Variants in EML6 observed in about 807,000 individuals in gnomAD.
EML6 encodes the protein EMAP like 6, also known as echinoderm microtubule-associated protein-like 6.
Under a neutral mutation model 240.1 loss-of-function variants are expected in EML6, and 154 were observed. That is an observed-to-expected ratio of 0.64 (90% CI 0.56 to 0.73). The LOEUF is 0.73. EML6 is among the 30% of genes least tolerant of loss of function. The pLI is 0.00. For missense variants in EML6, 2,964 were observed against 2,474.6 expected (o/e 1.20, Z -4.20); for synonymous variants, 1,148 against 899.0 (o/e 1.28, Z -4.95).
At chr2:54,811,625 T>C (rs1186970570) in intron 2 of EML6, among the ~76,000 whole-genome samples, 1 of 152,260 alleles carries the variant, frequency 6.6e-6, no homozygotes, top group Admixed American at 6.5e-5. Context: ...TGACATATCA[T>C]AGGTCCACAA....
chr2:54,804,591 A>C (rs994032679), intron 2 of EML6, among the ~76,000 whole-genome samples: 1 of 152,208 alleles, frequency 6.6e-6, no homozygotes, highest in African/African-American at 2.4e-5. Context: ...TTCTAAACCA[A>C]CAGATGCCTT....
At chr2:54,805,165 C>G (rs1175187430) in intron 2 of EML6, among the ~76,000 whole-genome samples, 4 of 152,164 alleles carry the variant, frequency 2.6e-5, no homozygotes, top group Admixed American at 2.6e-4. Context: ...CTGTTTATGG[C>G]TGAGAACAAT....
Position 54,728,048 on chromosome 2 carries a change from G to A in EML6, c.197+2790G>A, listed in dbSNP as rs1423068501. Among the ~76,000 whole-genome samples, 4 of 152,172 alleles carry A rather than the reference G, an allele frequency of 2.6e-5. No homozygotes were observed. The South Asian group carries it at 6.2e-4, about 24-fold the overall frequency. On this transcript the variant is annotated intron_variant, in intron 2 of 41. Coordinates refer to ENST00000356458, the MANE Select transcript of EML6 (RefSeq NM_001039753.4). ...CATAATATAATTTACTGAATGTGGAGGCTTAGTTTTATTCTCTTGAATATT... is the reference window on the plus strand; with the variant it reads ...CATAATATAATTTACTGAATGTGGAAGCTTAGTTTTATTCTCTTGAATATT...
intron 17 of EML6, among the ~76,000 whole-genome samples, chr2:54,885,209 T>C (rs193264264): frequency 6.6e-6 from 1 of 151,754 alleles, no homozygotes; most frequent in South Asian, 2.1e-4. Context: ...CTTTGGGAGG[T>C]TGAGGCGGGC....
chr2:54,962,696 G>C lies in EML6; in HGVS notation c.5142G>C (p.Trp1714Cys). ...GCAACGATGGCACAGCCCGGATCTG[G>C]GACCTGGCTGACAAGGTGAGGCCGA... ...SASNDGTARIWDLADKKLLNK... is the reference protein window; with the variant it reads ...SASNDGTARICDLADKKLLNK... The change falls in exon 36 of 42, where the codon TGG becomes TGC. Residue 1714 changes from tryptophan (W) to cysteine (C), a missense_variant. Coordinates refer to ENST00000356458, the MANE Select transcript of EML6 (RefSeq NM_001039753.4). 1 of 1,490,932 alleles carries C rather than the reference G, an allele frequency of 6.7e-7. No individual in the cohort carries two copies. The highest frequency in any genetic ancestry group is 9.0e-7 in the Non-Finnish European group (1 of 1,116,898). The allele number at this position is 1,490,932 out of a possible 1,614,324, so 92.4% of individuals were successfully genotyped here. A position where few individuals can be genotyped will look rare whatever the true frequency, so the allele number is the denominator to read the frequency against.
intron 17 of EML6, chr2:54,881,962 G>GCT (rs1427657098): frequency 1.3e-5 from 2 of 152,294 alleles, no homozygotes; most frequent in African/African-American, 4.8e-5. Flanking sequence ...ATGGTTGGTA[G>GCT]CTGTGGTGGC....
At chr2:54,736,164 G>A (rs1322920619) in intron 2 of EML6, among the ~76,000 whole-genome samples, 2 of 152,232 alleles carry the variant, frequency 1.3e-5, no homozygotes, top group Non-Finnish European at 2.9e-5. Context: ...AGATAGCTAA[G>A]GGATTTACCG....
chr2:54,927,312 C>G (rs1358060812), intron 26 of EML6, among the ~76,000 whole-genome samples: 1 of 152,180 alleles, frequency 6.6e-6, no homozygotes, highest in Non-Finnish European at 1.5e-5. Flanking sequence ...GCACCTGTTT[C>G]CTGCTGTATG....
At chr2:54,868,614 T>G (rs1273924293) in intron 14 of EML6, 1 of 152,250 alleles carries the variant, frequency 6.6e-6, no homozygotes, top group Non-Finnish European at 1.5e-5. Context: ...AAATAATCTT[T>G]CAGCTGGTAA....
intron 2 of EML6, among the ~76,000 whole-genome samples, chr2:54,790,362 G>T (rs997868849): frequency 6.6e-6 from 1 of 152,138 alleles, no homozygotes; most frequent in Non-Finnish European, 1.5e-5. Flanking sequence ...AAAATACTTA[G>T]GTAATTTCAG....
chr2:54,960,764 A>C (rs766138808), intron 35 of EML6, among the ~76,000 whole-genome samples: 2 of 152,048 alleles, frequency 1.3e-5, no homozygotes, highest in Non-Finnish European at 2.9e-5. Flanking sequence ...AAACTGTCTG[A>C]CTCAAAGCCA....
intron 11 of EML6, among the ~76,000 whole-genome samples, chr2:54,856,296 G>A (rs1670372732): frequency 6.6e-6 from 1 of 152,134 alleles, no homozygotes; most frequent in African/African-American, 2.4e-5. Context: ...CCAAGGCCTT[G>A]CTCAATGACA....
chr2:54,734,059 C>T (rs1683284019), intron 2 of EML6, among the ~76,000 whole-genome samples: 2 of 152,136 alleles, frequency 1.3e-5, no homozygotes, highest in South Asian at 4.1e-4. Context: ...GGTGATATGG[C>T]CAGGCACGGT....
chr2:54,961,184 G>GTTTTTTTTTTTTTTTTTTTTT (rs575621987), intron 35 of EML6, among the ~76,000 whole-genome samples: 20 of 55,400 alleles, frequency 3.6e-4, no homozygotes, highest in African/African-American at 8.1e-4. Context: ...TCAGGAAGTA[G>GTTTTTTTTTTTTTTTTTTTTT]TTTTTTTTTT....
intron 7 of EML6, among the ~76,000 whole-genome samples, chr2:54,838,809 G>A (rs1035762757): frequency 3.9e-5 from 6 of 152,186 alleles, no homozygotes; most frequent in African/African-American, 1.2e-4. Flanking sequence ...ACAGGGTATG[G>A]TGTCCAAATG....
At chr2:54,736,768 C>A (rs540095058) in intron 2 of EML6, among the ~76,000 whole-genome samples, 36 of 152,296 alleles carry the variant, frequency 2.4e-4, no homozygotes, top group Admixed American at 7.8e-4. Context: ...ACCTCCCCTG[C>A]CCTTTGCCTC....
chr2:54,895,357 T>C lies in EML6; in HGVS notation c.2939T>C (p.Ile980Thr). 7 of 1,551,962 alleles carry C rather than the reference T, an allele frequency of 4.5e-6. No homozygotes were observed. Among genetic ancestry groups the C allele is most frequent in the Non-Finnish European group, 6.1e-6 (7 of 1,146,962 alleles). The change falls in exon 21 of 42, where the codon ATT (isoleucine) becomes ACT (threonine). Residue 980 changes from isoleucine to threonine, a missense_variant. Ile to Thr is a moderately conservative substitution (Grantham distance 89). Coordinates refer to ENST00000356458, the MANE Select transcript of EML6 (RefSeq NM_001039753.4). ...HILVGTKNGE[I>T]LEIDKSGPMT... ...CTGGTGGGAACAAAAAATGGAGAGA[T>C]TCTGGAAATTGATAAGAGTGGCCCA...
intron 2 of EML6, among the ~76,000 whole-genome samples, chr2:54,797,775 G>A (rs1476274890): frequency 6.6e-6 from 1 of 152,142 alleles, no homozygotes; most frequent in African/African-American, 2.4e-5. Flanking sequence ...TATAAATCCT[G>A]TCTCTACCAC....
intron 21 of EML6, among the ~76,000 whole-genome samples, chr2:54,898,649 C>T (rs1672896828): frequency 1.3e-5 from 2 of 152,176 alleles, no homozygotes; most frequent in Admixed American, 6.5e-5. Context: ...TGGAATCATC[C>T]AATTTCTCTT....
Sources: gnomAD v4.1 joint callset for allele counts (sites outside exome capture counted in the v4.1 genomes callset) on GRCh38, gnomAD v4.1.1 for gene constraint, MANE v1.5 for transcripts, NCBI Gene and HGNC (gene_info 2026-07-23, HGNC 2026-07-21) for gene names.